Variants in HAPLN1 observed in about 807,000 individuals in gnomAD.
HAPLN1 encodes the protein hyaluronan and proteoglycan link protein 1, also known as Cartilage link protein.
A neutral mutation model predicts 36.5 loss-of-function variants in HAPLN1; 13 were observed. The observed-to-expected ratio is 0.36, with a 90% confidence interval of 0.23 to 0.57. The LOEUF (loss-of-function observed/expected upper bound fraction) is 0.57, where lower values mean the gene tolerates loss of function less well. Among genes scored for constraint, HAPLN1 ranks in the 20% least tolerant of loss-of-function variants. The pLI is 0.83. For missense variants in HAPLN1, 407 were observed against 439.7 expected (o/e 0.93, Z 0.66); for synonymous variants, 202 against 169.8 (o/e 1.19, Z -1.48).
chr5:83,652,965 G>T, intron 2 of HAPLN1, 141 bp from the exon 3 acceptor site: 1 of 805,634 alleles, frequency 1.2e-6, no homozygotes. Context: ...AATCTCTTTT[G>T]AACCATATAG....
intron 3 of HAPLN1, among the ~76,000 whole-genome samples, chr5:83,645,464 T>C (rs1282219390): frequency 3.5e-5 from 3 of 86,214 alleles, no homozygotes; most frequent in East Asian, 2.9e-4. Flanking sequence ...TTTTCTTTTT[T>C]CTTTTTCTTT....
intron 2 of HAPLN1, among the ~76,000 whole-genome samples, chr5:83,672,368 T>A (rs1750750709): frequency 6.6e-6 from 1 of 152,176 alleles, no homozygotes; most frequent in Non-Finnish European, 1.5e-5. Context: ...AGTCAGCAGC[T>A]TGCAGAGTAA....
intron 1 of HAPLN1, among the ~76,000 whole-genome samples, chr5:83,676,910 G>A (rs906901121): frequency 6.6e-6 from 1 of 152,102 alleles, no homozygotes; most frequent in African/African-American, 2.4e-5. Flanking sequence ...ACAGATAATA[G>A]GAATGTAATT....
intron 2 of HAPLN1, among the ~76,000 whole-genome samples, chr5:83,661,063 T>C (rs535655133): frequency 6.6e-6 from 1 of 152,256 alleles, no homozygotes; most frequent in Non-Finnish European, 1.5e-5. Context: ...CCTGAGAAAT[T>C]CACATCTCAT....
chr5:83,638,519 A>G lies in HAPLN1; in HGVS notation c.*2977T>C, dbSNP rs1749586625. The G allele has an allele frequency of 6.6e-6, 1 of 152,020 alleles. No homozygotes were observed. Among genetic ancestry groups the G allele is most frequent in the African/African-American group, 2.4e-5 (1 of 41,424 alleles). 9.4% of individuals were successfully genotyped at this position (152,020 alleles called of 1,614,324 possible). A position where few individuals can be genotyped will look rare whatever the true frequency, so the allele number is the denominator to read the frequency against. On this transcript the variant is annotated 3_prime_UTR_variant, in exon 5 of 5. Transcript: ENST00000274341. The stretch of plus-strand genomic sequence containing the variant: ...AAAACTGATAAGTGATTCCCTTTTA[A>G]TCCTCCCCTCCTTAGTGGTCAGCTA...
intron 1 of HAPLN1, among the ~76,000 whole-genome samples, chr5:83,712,991 G>A (rs753732251): frequency 9.9e-5 from 15 of 151,716 alleles, no homozygotes; most frequent in Non-Finnish European, 1.0e-4. Context: ...ATTAGAAAAC[G>A]AATTATAAAT....
At chr5:83,696,689 C>T (rs1183562552) in intron 1 of HAPLN1, among the ~76,000 whole-genome samples, 1 of 151,952 alleles carries the variant, frequency 6.6e-6, no homozygotes, top group Non-Finnish European at 1.5e-5. Flanking sequence ...AATACTCTTG[C>T]CTGTGTATAA....
chr5:83,673,509 A>T lies in HAPLN1; in HGVS notation c.15T>A (p.Leu5=). ...AGCAGATTGAAATCAGCACCAGAAG[A>T]AGTAGACTCTTCATCTTTATAGCCC... MKSL[L]LLVLISICWA... is the part of the protein sequence containing the mutation. Residue 5 remains leucine (L), a synonymous_variant, in exon 2 of 5, where the codon CTT becomes CTA. Coordinates refer to ENST00000274341, the MANE Select transcript of HAPLN1 (RefSeq NM_001884.4). 1 of 1,612,732 alleles carries T rather than the reference A, an allele frequency of 6.2e-7. No homozygotes were observed. Among genetic ancestry groups the T allele is most frequent in the Non-Finnish European group, 8.5e-7 (1 of 1,178,956 alleles).
rs551715610 is a variant in HAPLN1, at chr5:83,682,878, T to C, written c.-26-9329A>G. The stretch of plus-strand genomic sequence containing the variant: ...AAGGTGTTTTTTAAGCTTTTAAAAC[T>C]AAATAATTCTCATTTACAACTTCTT... On this transcript the variant is annotated intron_variant, in intron 1 of 4. Transcript: ENST00000274341. 3.3e-5 allele frequency among the ~76,000 whole-genome samples: 5 copies of C among 152,114 alleles called. No individual in the cohort carries two copies. The East Asian group carries it at 9.7e-4, about 29-fold the overall frequency.
intron 2 of HAPLN1, among the ~76,000 whole-genome samples, chr5:83,665,412 A>C (rs1423520257): frequency 1.3e-5 from 2 of 152,328 alleles, no homozygotes; most frequent in South Asian, 2.1e-4. Flanking sequence ...CTGAGCCAAA[A>C]AGACAACATA....
At chr5:83,650,609 G>C (rs538045516) in intron 3 of HAPLN1, among the ~76,000 whole-genome samples, 6 of 150,882 alleles carry the variant, frequency 4.0e-5, no homozygotes, top group African/African-American at 1.5e-4. Context: ...ATGGTGCAGA[G>C]CCTAGGAGAA....
In HAPLN1 at chr5:83,648,137, G is replaced by A. The variant is rs533177953; in HGVS notation, c.473-3472C>T. Among the ~76,000 whole-genome samples, 3 of 152,012 alleles carry A rather than the reference G, an allele frequency of 2.0e-5. No individual in the cohort carries two copies. The East Asian group carries it at 5.8e-4, about 30-fold the overall frequency. ...CACTCTTTTGTTACATCTGTATAAA[G>A]CTTGTTGCTTGTTGCCTGCTATTTC... On this transcript the variant is annotated intron_variant, in intron 3 of 4. Transcript: ENST00000274341.
intron 1 of HAPLN1, among the ~76,000 whole-genome samples, chr5:83,678,220 G>GGTGTGTGTGTGTAT: frequency 1.4e-5 from 2 of 142,640 alleles, no homozygotes; most frequent in South Asian, 4.8e-4. Flanking sequence ...CTATAGTTTG[G>GGTGTGTGTGTGTAT]GTGTGTGTGT....
intron 2 of HAPLN1, among the ~76,000 whole-genome samples, chr5:83,663,555 A>C (rs1424603064): frequency 6.6e-6 from 1 of 152,076 alleles, no homozygotes; most frequent in Non-Finnish European, 1.5e-5. Context: ...CTTGCATTAT[A>C]CTTCTTCCTG....
At chr5:83,714,530 G>A (rs939115259) in intron 1 of HAPLN1, among the ~76,000 whole-genome samples, 1 of 151,882 alleles carries the variant, frequency 6.6e-6, no homozygotes, top group Non-Finnish European at 1.5e-5. Context: ...TTTTCCAGAA[G>A]CTATGATCAG....
intron 3 of HAPLN1, among the ~76,000 whole-genome samples, chr5:83,650,632 CTTTTTTT>C (rs5869195): frequency 9.6e-6 from 1 of 103,764 alleles, no homozygotes. Flanking sequence ...AAATTCTTTT[CTTTTTTT>C]TTTTTTTTTT....
intron 1 of HAPLN1, among the ~76,000 whole-genome samples, chr5:83,692,549 A>G (rs1751303964): frequency 6.6e-6 from 1 of 151,942 alleles, no homozygotes; most frequent in Non-Finnish European, 1.5e-5. Flanking sequence ...CTCATAGACA[A>G]AGGCAAATAA....
intron 2 of HAPLN1, among the ~76,000 whole-genome samples, chr5:83,665,890 C>A (rs1441300286): frequency 1.3e-5 from 2 of 152,168 alleles, no homozygotes; most frequent in East Asian, 3.8e-4. Flanking sequence ...TTGAATTAAA[C>A]CAAGATTAAA....
chr5:83,683,780 C>T (rs973943984), intron 1 of HAPLN1, among the ~76,000 whole-genome samples: 1 of 152,124 alleles, frequency 6.6e-6, no homozygotes, highest in Non-Finnish European at 1.5e-5. Flanking sequence ...AATAACTGCA[C>T]ACCTCAAAGT....
Sources: allele counts gnomAD v4.1 joint callset (sites outside exome capture counted in the v4.1 genomes callset), GRCh38; gene constraint gnomAD v4.1.1; transcripts MANE v1.5; gene names NCBI Gene and HGNC (gene_info 2026-07-23, HGNC 2026-07-21).